The following PKD2 variants were observed in gnomAD, a reference collection of about 807,000 sequenced individuals.
PKD2 encodes the protein polycystin 2, transient receptor potential cation channel, also known as polycystin-2.
In PKD2, 48 loss-of-function variants were observed where a neutral mutation model predicts 105.9. The ratio of observed to expected loss-of-function variants is 0.45; its 90% CI spans 0.36 to 0.58. The LOEUF (loss-of-function observed/expected upper bound fraction) is 0.58. Ranked by LOEUF, PKD2 falls within the 20% of genes least tolerant of loss-of-function variation. The probability of loss-of-function intolerance (pLI) is 0.00; values close to 1 mark genes in which losing one functional copy is unlikely to be tolerated. For missense variants in PKD2, 1,078 were observed against 1,255.3 expected (o/e 0.86, Z 2.13); for synonymous variants, 464 against 481.1 (o/e 0.96, Z 0.46).
chr4:88,069,329 A>T, intron 13 of PKD2, among the ~76,000 whole-genome samples: 1 of 151,356 alleles, frequency 6.6e-6, no homozygotes, highest in Non-Finnish European at 1.5e-5. Context: ...CTGCTATTTT[A>T]TTTTTTGTTT....
intron 2 of PKD2, among the ~76,000 whole-genome samples, chr4:88,023,757 T>C (rs1302953866): frequency 6.6e-6 from 1 of 152,140 alleles, no homozygotes; most frequent in East Asian, 1.9e-4. Context: ...TGTCATACAG[T>C]AGTAGTAGTA....
chr4:88,050,512 G>T (rs1000792712), intron 6 of PKD2, among the ~76,000 whole-genome samples: 7 of 152,130 alleles, frequency 4.6e-5, no homozygotes, highest in Non-Finnish European at 1.0e-4. Flanking sequence ...TCCCTATTTG[G>T]AAGGAAAGGT....
chr4:88,015,685 G>T (rs1436404274), intron 1 of PKD2, among the ~76,000 whole-genome samples: 1 of 152,240 alleles, frequency 6.6e-6, no homozygotes, highest in Non-Finnish European at 1.5e-5. Flanking sequence ...GCCTCCCAGA[G>T]TGCTGGGATT....
At chr4:88,052,805 G>A (rs114259740) in intron 7 of PKD2, among the ~76,000 whole-genome samples, 151 of 152,220 alleles carry the variant, frequency 9.9e-4, no homozygotes, top group Non-Finnish European at 1.7e-3. Context: ...GGAGCAGGTG[G>A]AGGGAAGGGG....
intron 9 of PKD2, among the ~76,000 whole-genome samples, chr4:88,060,685 A>G (rs74668466): frequency 0.027 from 4,137 of 152,180 alleles, 182 homozygotes; most frequent in East Asian, 0.23. Flanking sequence ...GTGGGGGGGA[A>G]CCTGATCTCC....
intron 10 of PKD2, among the ~76,000 whole-genome samples, chr4:88,065,160 G>A (rs2110137708): frequency 6.6e-6 from 1 of 152,202 alleles, no homozygotes; most frequent in South Asian, 2.1e-4. Context: ...AGTTCTTCAT[G>A]ACTTACTGAA....
intron 13 of PKD2, among the ~76,000 whole-genome samples, chr4:88,069,596 A>C (rs773212682): frequency 6.6e-6 from 1 of 151,954 alleles, no homozygotes; most frequent in Non-Finnish European, 1.5e-5. Context: ...ATCTATCTAT[A>C]TGTATATATA....
intron 2 of PKD2, among the ~76,000 whole-genome samples, chr4:88,024,313 C>T (rs188510996): frequency 3.0e-4 from 45 of 151,352 alleles, no homozygotes; most frequent in African/African-American, 9.5e-4. Flanking sequence ...AAAAATTAGC[C>T]GGGTATGTTG....
chr4:88,073,186 A>G (rs1721100411), intron 13 of PKD2, among the ~76,000 whole-genome samples: 1 of 145,578 alleles, frequency 6.9e-6, no homozygotes, highest in Non-Finnish European at 1.5e-5. Context: ...CTTTGTCTCT[A>G]TTAAAAAAAA....
intron 2 of PKD2, among the ~76,000 whole-genome samples, chr4:88,029,614 C>G (rs142189248): frequency 3.0e-4 from 45 of 152,176 alleles, no homozygotes; most frequent in African/African-American, 1.1e-3. Context: ...GCTCTTGTCC[C>G]TATTTTAATC....
intron 13 of PKD2, among the ~76,000 whole-genome samples, chr4:88,070,591 TATATATATATAGAGAGAG>T (rs1222835763): frequency 1.9e-5 from 2 of 104,202 alleles, no homozygotes; most frequent in African/African-American, 7.0e-5. Context: ...TATATATATA[TATATATATATAGAGAGAG>T]AGAGAGAGAG....
At chr4:88,054,857 T>A (rs960144710) in intron 7 of PKD2, among the ~76,000 whole-genome samples, 3 of 151,808 alleles carry the variant, frequency 2.0e-5, no homozygotes, top group African/African-American at 7.3e-5. Context: ...GGTTTCACCG[T>A]GTTAGCCAGG....
Position 88,007,749 on chromosome 4 carries a change from C to A in PKD2, c.16C>A (p.Arg6Ser). The A allele has an allele frequency of 2.5e-6, 3 of 1,202,722 alleles. No homozygotes were observed. Among genetic ancestry groups the A allele is most frequent in the Non-Finnish European group, 2.1e-6 (2 of 957,638 alleles). 74.5% of individuals were successfully genotyped at this position (1,202,722 alleles called of 1,614,324 possible). The change falls in exon 1 of 15, where the codon CGC becomes AGC. Residue 6 changes from arginine to serine, a missense_variant. By Grantham distance (110) the Arg-to-Ser change is moderately radical (BLOSUM62 -1). Around this residue, in one of 2 missense-constraint regions of PKD2, gnomAD observed 210 missense variants for 187.9 expected, o/e 1.12. Transcript: ENST00000237596. ...AGTGACCGCGATGGTGAACTCCAGT[C>A]GCGTGCAGCCTCAGCAGCCCGGGGA... MVNSSRVQPQQPGDAK... is the reference protein window; with the variant it reads MVNSSSVQPQQPGDAK...
At chr4:88,036,457 A>G in intron 3 of PKD2, 104 bp downstream of exon 3, 8 of 1,570,448 alleles carry the variant, frequency 5.1e-6, no homozygotes, top group South Asian at 1.1e-5. Flanking sequence ...TTTGCATTTA[A>G]CACTGTGTGA....
At chr4:88,065,703 G>A (rs1720765721) in intron 11 of PKD2, 59 bp from the exon 12 acceptor site, 1 of 1,327,468 alleles carries the variant, frequency 7.5e-7, no homozygotes, top group Non-Finnish European at 1.1e-6. Context: ...ATGTCTCTGT[G>A]TTGAGGGTGA....
intron 11 of PKD2, 92 bp downstream of exon 11, chr4:88,065,587 C>T: frequency 7.6e-7 from 1 of 1,317,862 alleles, no homozygotes; most frequent in Non-Finnish European, 1.1e-6. Context: ...AGGGCTCATA[C>T]AGATACTTTT....
chr4:88,029,927 AC>A (rs571283352), intron 2 of PKD2, among the ~76,000 whole-genome samples: 187 of 152,320 alleles, frequency 1.2e-3, no homozygotes, highest in Non-Finnish European at 8.5e-4. Context: ...TGGAAAGGTG[AC>A]CAGGGGCCAG....
Position 88,043,375 on chromosome 4 carries a change from G to A in PKD2, c.1237G>A (p.Val413Ile). Residue 413 changes from valine (V) to isoleucine (I), a missense_variant, in exon 5 of 15, where the codon GTC (valine) becomes ATC (isoleucine). Transcript: ENST00000237596. ...ACAAGTTGCTAGCCTCAAGAAAAAT[G>A]TCTGGCTGGACCGAGGAACCAGGGC... The part of the protein sequence containing the change: ...AAQVASLKKN[V>I]WLDRGTRATF... 1 of 1,614,044 alleles carries A rather than the reference G, an allele frequency of 6.2e-7. No individual in the cohort carries two copies. The highest frequency in any genetic ancestry group is 8.5e-7 in the Non-Finnish European group (1 of 1,179,948).
chr4:88,036,846 G>A (rs991271043), intron 3 of PKD2, among the ~76,000 whole-genome samples: 1 of 152,104 alleles, frequency 6.6e-6, no homozygotes, highest in Non-Finnish European at 1.5e-5. Context: ...GTCTTGCTTC[G>A]CCTTTTGTGT....
Sources: gnomAD v4.1 joint callset for allele counts (sites outside exome capture counted in the v4.1 genomes callset) on GRCh38, gnomAD v4.1.1 for gene constraint, gnomAD v4.1.1 regional missense constraint, MANE v1.5 for transcripts, NCBI Gene and HGNC (gene_info 2026-07-23, HGNC 2026-07-21) for gene names.